Variants in SAXO2 observed in about 807,000 individuals in gnomAD.
SAXO2 encodes the protein stabilizer of axonemal microtubules 2, also known as family with sequence similarity 154, member B.
In SAXO2, 17 loss-of-function variants were observed where a neutral mutation model predicts 18.7. The ratio of observed to expected loss-of-function variants is 0.91; its 90% CI spans 0.62 to 1.36. SAXO2 has a LOEUF of 1.36. SAXO2 is among the 40% of genes most tolerant of loss of function. The pLI is 0.00. For synonymous variants in SAXO2, 163 were observed against 181.2 expected, an observed-to-expected ratio of 0.90 and a Z score of 0.81; for missense variants, 486 against 562.6, an observed-to-expected ratio of 0.86 and a Z score of 1.38.
At chr15:82,263,315 G>A in intron 1 of SAXO2, 1 of 1,095,644 alleles carries the variant, frequency 9.1e-7, no homozygotes, top group Non-Finnish European at 1.3e-6. Flanking sequence ...CAGTGCTCAA[G>A]GCCCTGAGTC....
intron 3 of SAXO2, among the ~76,000 whole-genome samples, chr15:82,273,359 C>T (rs1400910341): frequency 3.3e-5 from 5 of 152,038 alleles, no homozygotes; most frequent in Non-Finnish European, 7.4e-5. Flanking sequence ...TAATATAAAA[C>T]ACTTTTGTAA....
chr15:82,283,921 T>C lies in SAXO2; in HGVS notation c.*859T>C, dbSNP rs996893431. 6 of 152,268 alleles carry C rather than the reference T, an allele frequency of 3.9e-5. No individual in the cohort carries two copies. Among genetic ancestry groups the C allele is most frequent in the Non-Finnish European group, 5.9e-5 (4 of 68,088 alleles). The allele number at this position is 152,268 out of a possible 1,614,324, so 9.4% of individuals were successfully genotyped here. A position where few individuals can be genotyped will look rare whatever the true frequency, so the allele number is the denominator to read the frequency against. ...GCCAGGCTGCTATTGAATCCCACCT[T>C]GGCTTCCCAAAGCACTGGGATTACA... On this transcript the variant is annotated 3_prime_UTR_variant, in exon 4 of 4. Transcript: ENST00000682753.
intron 3 of SAXO2, among the ~76,000 whole-genome samples, chr15:82,277,376 C>T (rs1315961590): frequency 6.6e-6 from 1 of 151,720 alleles, no homozygotes; most frequent in Non-Finnish European, 1.5e-5. Flanking sequence ...AAAAATATGC[C>T]AATAATTTAC....
rs763287197 is a variant in SAXO2, at chr15:82,282,310, A to G, written c.625A>G (p.Thr209Ala). 6.2e-7 allele frequency: 1 copy of G among 1,614,208 alleles called. No homozygotes were observed. Among genetic ancestry groups the G allele is most frequent in the South Asian group, 1.1e-5 (1 of 91,078 alleles). Residue 209 changes from threonine (T) to alanine (A), a missense_variant, in exon 4 of 4, where the codon ACA becomes GCA. Coordinates refer to ENST00000682753, the MANE Select transcript of SAXO2 (RefSeq NM_001348699.2). ...TTCTACAGCCCCTTTTAATGGTATT[A>G]CAAGTCATCGCCTTGATTATATACC... Reference protein sequence around the residue: ...KRSTAPFNGITSHRLDYIPHQ... With the variant: ...KRSTAPFNGIASHRLDYIPHQ...
At chr15:82,277,004 A>G (rs1250126499) in intron 3 of SAXO2, among the ~76,000 whole-genome samples, 1 of 152,234 alleles carries the variant, frequency 6.6e-6, no homozygotes, top group Admixed American at 6.5e-5. Flanking sequence ...TTAGAACAGT[A>G]GTACAAAAGG....
At chr15:82,272,123 C>A in intron 3 of SAXO2, 1 of 251,910 alleles carries the variant, frequency 4.0e-6, no homozygotes, top group Non-Finnish European at 7.6e-6. Flanking sequence ...ATTTAGTTGG[C>A]ATTGTTCTTT....
chr15:82,276,753 T>G (rs1490247170), intron 3 of SAXO2, among the ~76,000 whole-genome samples: 1 of 152,028 alleles, frequency 6.6e-6, no homozygotes, highest in Non-Finnish European at 1.5e-5. Flanking sequence ...AAAATAGCCT[T>G]TAAAAATTAA....
intron 3 of SAXO2, among the ~76,000 whole-genome samples, chr15:82,273,326 A>T (rs1233749241): frequency 6.6e-6 from 1 of 152,210 alleles, no homozygotes; most frequent in Non-Finnish European, 1.5e-5. Flanking sequence ...TTGGTTATGT[A>T]AAATAGCTGA....
At position 82,283,607 on chromosome 15, in the gene SAXO2, G is replaced by A. The variant is rs1273824558; in HGVS notation, c.*545G>A. 1 of 152,396 alleles carries A rather than the reference G, an allele frequency of 6.6e-6. No individual in the cohort carries two copies. Among genetic ancestry groups the A allele is most frequent in the African/African-American group, 2.4e-5 (1 of 41,452 alleles). The allele number at this position is 152,396 out of a possible 1,614,324, so 9.4% of individuals were successfully genotyped here. On this transcript the variant is annotated 3_prime_UTR_variant, in exon 4 of 4. Coordinates refer to ENST00000682753, the MANE Select transcript of SAXO2 (RefSeq NM_001348699.2). ...TCAAGTTAGCAAGAGGCACTGTGGT[G>A]TGGCAAGGAAAGGCTCTGTGTGCTG... is the stretch of plus-strand genomic sequence containing the variant.
Position 82,282,183 on chromosome 15 carries a change from G to A in SAXO2, c.498G>A (p.Pro166=), listed in dbSNP as rs139992762. The A allele has an allele frequency of 7.1e-5, 114 of 1,613,938 alleles. No individual in the cohort carries two copies. The African/African-American group carries it at 1.2e-3, about 18-fold the overall frequency. ...ELYKPEQTYH[P]PTVKFGNSTT... is the part of the protein sequence containing the mutation. Reference sequence around the variant, plus strand: ...ATAAGCCAGAACAAACTTACCACCCGCCTACTGTGAAATTTGGAAATTCAA... The same window carrying A: ...ATAAGCCAGAACAAACTTACCACCCACCTACTGTGAAATTTGGAAATTCAA... Residue 166 remains proline, a synonymous_variant, in exon 4 of 4, where the codon CCG becomes CCA. Coordinates refer to ENST00000682753, the MANE Select transcript of SAXO2 (RefSeq NM_001348699.2).
intron 3 of SAXO2, among the ~76,000 whole-genome samples, chr15:82,272,822 C>T (rs946538465): frequency 4.6e-5 from 7 of 151,522 alleles, no homozygotes; most frequent in African/African-American, 7.3e-5. Context: ...AGATCAAAGG[C>T]GTGAGCCACC....
At chr15:82,276,048 A>G (rs1244325168) in intron 3 of SAXO2, among the ~76,000 whole-genome samples, 1 of 152,242 alleles carries the variant, frequency 6.6e-6, no homozygotes, top group Non-Finnish European at 1.5e-5. Context: ...GACTTCAGCA[A>G]AGTCTCAGCA....
At position 82,284,607 on chromosome 15, in the gene SAXO2, A is replaced by G. The variant is rs1357834716; in HGVS notation, c.*1545A>G. On this transcript the variant is annotated 3_prime_UTR_variant, in exon 4 of 4. Coordinates refer to ENST00000682753, the MANE Select transcript of SAXO2 (RefSeq NM_001348699.2). The stretch of plus-strand genomic sequence containing the variant: ...GATAAGGTAAAGAATGATGCCAGTA[A>G]GTATAGTAGAAACACTCTATTGCAT... 6.6e-6 allele frequency: 1 copy of G among 152,190 alleles called. No individual in the cohort carries two copies. Among genetic ancestry groups the G allele is most frequent in the African/African-American group, 2.4e-5 (1 of 41,424 alleles). 9.4% of individuals were successfully genotyped at this position (152,190 alleles called of 1,614,324 possible). A position where few individuals can be genotyped will look rare whatever the true frequency, so the allele number is the denominator to read the frequency against.
In SAXO2 at chr15:82,282,307, A is replaced by G. The variant is rs1181451394; in HGVS notation, c.622A>G (p.Ile208Val). ...VKRSTAPFNG[I>V]TSHRLDYIPH... ...ACGTTCTACAGCCCCTTTTAATGGTATTACAAGTCATCGCCTTGATTATAT... is the reference window on the plus strand; with the variant it reads ...ACGTTCTACAGCCCCTTTTAATGGTGTTACAAGTCATCGCCTTGATTATAT... Residue 208 changes from isoleucine (I) to valine (V), a missense_variant, in exon 4 of 4, where the codon ATT becomes GTT. Transcript: ENST00000682753. The G allele has an allele frequency of 1.2e-6, 2 of 1,614,204 alleles. No individual in the cohort carries two copies. Among genetic ancestry groups the G allele is most frequent in the Non-Finnish European group, 8.5e-7 (1 of 1,180,032 alleles).
chr15:82,280,131 GATA>G (rs1278218311), intron 3 of SAXO2, among the ~76,000 whole-genome samples: 1 of 152,102 alleles, frequency 6.6e-6, no homozygotes, highest in Non-Finnish European at 1.5e-5. Flanking sequence ...TTCCATAACA[GATA>G]ATAAATATTC....
chr15:82,268,492 A>G (rs2075240470), intron 2 of SAXO2, among the ~76,000 whole-genome samples: 2 of 152,250 alleles, frequency 1.3e-5, no homozygotes, highest in African/African-American at 2.4e-5. Flanking sequence ...TCTTTTCTTT[A>G]TATTTTCACT....
chr15:82,275,576 C>T (rs1034191950), intron 3 of SAXO2, among the ~76,000 whole-genome samples: 2 of 152,130 alleles, frequency 1.3e-5, no homozygotes, highest in Non-Finnish European at 2.9e-5. Context: ...AGTTAATTCA[C>T]CACAGTCAAG....
chr15:82,265,877 C>A (rs2075212216), intron 2 of SAXO2, 129 bp downstream of exon 2: 5 of 500,666 alleles, frequency 1.0e-5, no homozygotes, highest in Non-Finnish European at 9.2e-6. Flanking sequence ...AGTCAAGAGA[C>A]TAGTTAAGTC....
chr15:82,277,789 A>C (rs1181681294), intron 3 of SAXO2, among the ~76,000 whole-genome samples: 1 of 152,222 alleles, frequency 6.6e-6, no homozygotes, highest in African/African-American at 2.4e-5. Flanking sequence ...CAAGTGAATA[A>C]AATAATTCAT....
Sources: allele counts gnomAD v4.1 joint callset (sites outside exome capture counted in the v4.1 genomes callset), GRCh38; gene constraint gnomAD v4.1.1; transcripts MANE v1.5; gene names NCBI Gene and HGNC (gene_info 2026-07-23, HGNC 2026-07-21).